KLHL32: variants seen among roughly 807,000 people sequenced by gnomAD.
KLHL32 encodes the protein kelch-like protein 32.
A neutral mutation model predicts 64.8 loss-of-function variants in KLHL32; 35 were observed. The observed-to-expected ratio is 0.54, with a 90% CI of 0.41 to 0.72. The LOEUF is 0.72. Among genes scored for constraint, KLHL32 ranks in the 30% least tolerant of loss-of-function variants. KLHL32 has a pLI of 0.00. For missense variants in KLHL32, 589 were observed against 768.5 expected (o/e 0.77, Z 2.76); for synonymous variants, 259 against 281.0 (o/e 0.92, Z 0.78).
chr6:96,961,402 G>A (rs753256737), intron 1 of KLHL32, among the ~76,000 whole-genome samples: 22 of 152,090 alleles, frequency 1.4e-4, no homozygotes, highest in African/African-American at 4.1e-4. Flanking sequence ...TATGTTTATT[G>A]ATTATATTAA....
At chr6:96,916,597 G>T in the KLHL32 span, among the ~76,000 whole-genome samples, 1 of 152,150 alleles carries the variant, frequency 6.6e-6, no homozygotes, top group Non-Finnish European at 1.5e-5. Flanking sequence ...GGGTCAAACT[G>T]CTTCATTGGT....
chr6:97,044,151 T>C (rs549539793), intron 4 of KLHL32, among the ~76,000 whole-genome samples: 1 of 152,264 alleles, frequency 6.6e-6, no homozygotes, highest in Admixed American at 6.5e-5. Context: ...CTTTATTGTA[T>C]TGATATACAT....
At chr6:96,918,024 A>G in the KLHL32 span, among the ~76,000 whole-genome samples, 2 of 152,220 alleles carry the variant, frequency 1.3e-5, no homozygotes, top group Non-Finnish European at 2.9e-5. Context: ...CTAGGCATGC[A>G]AAACAGTAAT....
intron 3 of KLHL32, among the ~76,000 whole-genome samples, chr6:97,006,965 T>A (rs1779742155): frequency 6.6e-6 from 1 of 152,200 alleles, no homozygotes; most frequent in Non-Finnish European, 1.5e-5. Context: ...GGACTATGTG[T>A]CTTGGGGATG....
chr6:97,071,560 C>T (rs1041374603), intron 5 of KLHL32, among the ~76,000 whole-genome samples: 2 of 152,096 alleles, frequency 1.3e-5, no homozygotes, highest in African/African-American at 4.8e-5. Context: ...GTATGTTCAG[C>T]CAGCATTTCA....
chr6:97,068,983 A>C (rs1306010758), intron 5 of KLHL32, among the ~76,000 whole-genome samples: 3 of 152,192 alleles, frequency 2.0e-5, no homozygotes, highest in Non-Finnish European at 4.4e-5. Flanking sequence ...GCTGGGACGC[A>C]AGGGCGATAG....
At chr6:96,965,832 A>G (rs895209456) in intron 1 of KLHL32, among the ~76,000 whole-genome samples, 1 of 152,228 alleles carries the variant, frequency 6.6e-6, no homozygotes, top group African/African-American at 2.4e-5. Flanking sequence ...TAAGTTAGAA[A>G]TAAATGGAAG....
intron 4 of KLHL32, among the ~76,000 whole-genome samples, chr6:97,053,152 T>C (rs1413431454): frequency 6.6e-6 from 1 of 152,108 alleles, no homozygotes; most frequent in Admixed American, 6.6e-5. Flanking sequence ...TTTCTCTTGC[T>C]TTGAGTTATT....
intron 4 of KLHL32, among the ~76,000 whole-genome samples, chr6:97,058,042 T>C (rs1297451054): frequency 6.6e-6 from 1 of 152,190 alleles, no homozygotes; most frequent in Non-Finnish European, 1.5e-5. Context: ...TTATCTATGC[T>C]CTTTCATTGA....
chr6:97,031,708 T>C (rs1582781144), intron 3 of KLHL32, among the ~76,000 whole-genome samples: 1 of 152,286 alleles, frequency 6.6e-6, no homozygotes, highest in South Asian at 2.1e-4. Context: ...GTGGTGGTGA[T>C]GATTTTTATA....
intron 3 of KLHL32, among the ~76,000 whole-genome samples, chr6:97,005,500 G>T (rs1002745678): frequency 2.0e-5 from 3 of 151,966 alleles, no homozygotes; most frequent in Non-Finnish European, 4.4e-5. Context: ...TCTGATTTTG[G>T]TTATTTCTTG....
intron 3 of KLHL32, among the ~76,000 whole-genome samples, chr6:97,032,073 G>T (rs968905861): frequency 6.6e-6 from 1 of 152,184 alleles, no homozygotes; most frequent in Non-Finnish European, 1.5e-5. Flanking sequence ...CTCAGAGAAG[G>T]TAACAAATTA....
chr6:97,103,415 A>G lies in KLHL32; in HGVS notation c.628-10368A>G, dbSNP rs182437519. ...TTTTTGGTAGAGATGGGGTTTCACC[A>G]TGTTAGCCAGGATGGTCTCGATCTC... On this transcript the variant is annotated intron_variant, in intron 6 of 10. Coordinates refer to ENST00000369261, the MANE Select transcript of KLHL32 (RefSeq NM_052904.4). Among the ~76,000 whole-genome samples the G allele has an allele frequency of 4.0e-3, 601 of 152,144 alleles. 4 individuals carry two copies. The highest frequency in any genetic ancestry group is 0.029 in the South Asian group (140 of 4,818).
At chr6:96,996,032 T>C (rs1562226617) in intron 3 of KLHL32, among the ~76,000 whole-genome samples, 1 of 152,188 alleles carries the variant, frequency 6.6e-6, no homozygotes, top group Non-Finnish European at 1.5e-5. Flanking sequence ...TGGGGACAAG[T>C]CAGCCTCTTC....
the KLHL32 span, among the ~76,000 whole-genome samples, chr6:96,908,808 G>T: frequency 6.6e-6 from 1 of 151,816 alleles, no homozygotes; most frequent in African/African-American, 2.4e-5. Context: ...TTCTGGTGCT[G>T]ACTCTAGCAT....
At chr6:97,067,770 A>T (rs1423403604) in intron 5 of KLHL32, among the ~76,000 whole-genome samples, 1 of 152,016 alleles carries the variant, frequency 6.6e-6, no homozygotes, top group African/African-American at 2.4e-5. Flanking sequence ...CAGGTGCATT[A>T]TTTCTCCCAC....
At chr6:97,032,764 T>G (rs1052662144) in intron 3 of KLHL32, among the ~76,000 whole-genome samples, 1 of 152,216 alleles carries the variant, frequency 6.6e-6, no homozygotes, top group African/African-American at 2.4e-5. Context: ...TGAAAACAAC[T>G]GAAATTTCTT....
chr6:97,044,339 G>T (rs527617582), intron 4 of KLHL32, among the ~76,000 whole-genome samples: 1 of 152,090 alleles, frequency 6.6e-6, no homozygotes, highest in East Asian at 1.9e-4. Context: ...GCATCCCAGG[G>T]ATAAATCTCC....
intron 4 of KLHL32, among the ~76,000 whole-genome samples, chr6:97,049,176 A>G (rs1474723821): frequency 2.0e-5 from 3 of 152,248 alleles, no homozygotes; most frequent in African/African-American, 4.8e-5. Flanking sequence ...CACACCTGTC[A>G]TAAAATTTAG....
Sources: gnomAD v4.1 joint callset for allele counts (sites outside exome capture counted in the v4.1 genomes callset) on GRCh38, gnomAD v4.1.1 for gene constraint, MANE v1.5 for transcripts, NCBI Gene and HGNC (gene_info 2026-07-23, HGNC 2026-07-21) for gene names.